The following PDE4D variants were observed in gnomAD, a reference collection of about 807,000 sequenced individuals.
PDE4D encodes the protein 3',5'-cyclic-AMP phosphodiesterase 4D.
PDE4D carries 24 observed loss-of-function variants against 87.4 expected under a neutral mutation model. The observed-to-expected ratio is 0.27, with a 90% CI of 0.20 to 0.39. The LOEUF is 0.39. PDE4D is among the 10% of genes least tolerant of loss of function. The pLI is 1.00. For missense variants in PDE4D, 714 were observed against 1,041.0 expected, an observed-to-expected ratio of 0.69 and a Z score of 4.32; for synonymous variants, 384 against 383.2, an observed-to-expected ratio of 1.00 and a Z score of -0.02.
chr5:59,923,084 G>T (rs1417513903), intron 3 of PDE4D, among the ~76,000 whole-genome samples: 1 of 152,144 alleles, frequency 6.6e-6, no homozygotes, highest in Non-Finnish European at 1.5e-5. Context: ...CTTGCCATAG[G>T]TCTAGGGTGG....
chr5:60,466,942 G>A (rs572599002), intron 1 of PDE4D, among the ~76,000 whole-genome samples: 1 of 149,446 alleles, frequency 6.7e-6, no homozygotes, highest in Non-Finnish European at 1.5e-5. Context: ...TATATTTTAG[G>A]TGTCTATTTA....
rs537061345 is a variant in PDE4D at position 59,371,334 on chromosome 5, A to G, written c.456-155366T>C. On this transcript the variant is annotated intron_variant, in intron 1 of 14. Coordinates refer to ENST00000340635, the MANE Select transcript of PDE4D (RefSeq NM_001104631.2). ...AAATAATAAAAGCAGAATTAATTTC[A>G]GAACAATTGATATTTTGATTCTACT... Among the ~76,000 whole-genome samples, 3 of 152,352 alleles carry G rather than the reference A, an allele frequency of 2.0e-5. No homozygotes were observed. The South Asian group carries it at 6.2e-4, about 32-fold the overall frequency.
intron 5 of PDE4D, among the ~76,000 whole-genome samples, chr5:59,041,926 G>C (rs940130522): frequency 2.6e-5 from 4 of 152,208 alleles, no homozygotes; most frequent in African/African-American, 9.7e-5. Flanking sequence ...AGGTAGTATA[G>C]TGACAGGAGG....
At chr5:60,222,685 T>G (rs1462002075) in intron 1 of PDE4D, among the ~76,000 whole-genome samples, 1 of 152,132 alleles carries the variant, frequency 6.6e-6, no homozygotes, top group Admixed American at 6.5e-5. Flanking sequence ...CATAAATGTA[T>G]AGTGGTATCT....
chr5:59,850,414 G>T (rs76189754), intron 1 of PDE4D, among the ~76,000 whole-genome samples: 3 of 151,928 alleles, frequency 2.0e-5, no homozygotes, highest in Admixed American at 6.6e-5. Flanking sequence ...TACCACAAAG[G>T]GTTGTTATAA....
chr5:60,323,769 C>T (rs192190243), intron 1 of PDE4D, among the ~76,000 whole-genome samples: 1 of 150,498 alleles, frequency 6.6e-6, no homozygotes, highest in East Asian at 1.9e-4. Flanking sequence ...CTCCACCCCC[C>T]ACCCGCAGCC....
chr5:59,189,622 G>A (rs1743856869), intron 3 of PDE4D, among the ~76,000 whole-genome samples: 2 of 152,068 alleles, frequency 1.3e-5, no homozygotes, highest in African/African-American at 4.8e-5. Flanking sequence ...TATCAGCATT[G>A]TGCCTCCTTA....
chr5:59,071,800 C>T (rs1003226578), intron 5 of PDE4D, among the ~76,000 whole-genome samples: 2 of 148,282 alleles, frequency 1.3e-5, no homozygotes, highest in East Asian at 4.1e-4. Context: ...AATTCTCCTG[C>T]CTCAGCCTCC....
At chr5:59,685,740 A>C (rs921219450) in intron 1 of PDE4D, among the ~76,000 whole-genome samples, 1 of 151,818 alleles carries the variant, frequency 6.6e-6, no homozygotes, top group African/African-American at 2.4e-5. Context: ...TTTTTCTGCC[A>C]AAGATTTGAA....
At chr5:60,343,194 A>G (rs1322225078) in intron 1 of PDE4D, among the ~76,000 whole-genome samples, 1 of 152,138 alleles carries the variant, frequency 6.6e-6, no homozygotes, top group East Asian at 1.9e-4. Context: ...ATTCTTTAGA[A>G]CATTGCGTGG....
intron 1 of PDE4D, among the ~76,000 whole-genome samples, chr5:60,497,444 C>T (rs1479358853): frequency 1.3e-5 from 2 of 151,528 alleles, no homozygotes; most frequent in Admixed American, 6.6e-5. Context: ...GCTCTGTTGT[C>T]CAGGCTGGAG....
chr5:59,016,771 T>C (rs1007022305), intron 6 of PDE4D, among the ~76,000 whole-genome samples: 1 of 152,150 alleles, frequency 6.6e-6, no homozygotes, highest in Admixed American at 6.5e-5. Flanking sequence ...AGAATGGTTA[T>C]TCACTCATGC....
chr5:59,647,088 T>C (rs1742591389), intron 1 of PDE4D, among the ~76,000 whole-genome samples: 1 of 152,182 alleles, frequency 6.6e-6, no homozygotes, highest in Admixed American at 6.6e-5. Context: ...TCTGTCATAC[T>C]TGTTCAGCTC....
intron 1 of PDE4D, among the ~76,000 whole-genome samples, chr5:59,456,591 G>A (rs1287997893): frequency 6.6e-6 from 1 of 152,252 alleles, no homozygotes; most frequent in South Asian, 2.1e-4. Flanking sequence ...GATTCAAAGA[G>A]TATTTCAAGT....
At chr5:59,128,344 G>A (rs540217654) in intron 5 of PDE4D, among the ~76,000 whole-genome samples, 2 of 152,168 alleles carry the variant, frequency 1.3e-5, no homozygotes, top group Admixed American at 1.3e-4. Context: ...AATAATAGCA[G>A]AATAGGAAAA....
At chr5:60,052,364 G>T (rs1770270928) in intron 2 of PDE4D, among the ~76,000 whole-genome samples, 2 of 152,008 alleles carry the variant, frequency 1.3e-5, no homozygotes, top group Admixed American at 1.3e-4. Flanking sequence ...TTCATCCCTG[G>T]GATACAAGGC....
intron 1 of PDE4D, among the ~76,000 whole-genome samples, chr5:59,426,563 G>A (rs1021685272): frequency 3.3e-5 from 5 of 151,956 alleles, no homozygotes; most frequent in African/African-American, 1.2e-4. Context: ...GCAAGGGAAG[G>A]ACCCTCACCA....
chr5:60,479,638 T>C (rs74570167), intron 1 of PDE4D, among the ~76,000 whole-genome samples: 20 of 152,342 alleles, frequency 1.3e-4, no homozygotes, highest in Non-Finnish European at 2.8e-4. Flanking sequence ...CTTTAGGCTA[T>C]ACAGACCATA....
intron 1 of PDE4D, among the ~76,000 whole-genome samples, chr5:59,311,314 T>C (rs1772552931): frequency 1.3e-5 from 2 of 150,960 alleles, no homozygotes; most frequent in South Asian, 2.1e-4. Flanking sequence ...ATCACCTGAG[T>C]TCAGGACAAA....
Sources: allele counts gnomAD v4.1 joint callset (sites outside exome capture counted in the v4.1 genomes callset), GRCh38; gene constraint gnomAD v4.1.1; transcripts MANE v1.5; gene names NCBI Gene and HGNC (gene_info 2026-07-23, HGNC 2026-07-21).